Variants in PPP1R1C observed in about 807,000 individuals in gnomAD.
PPP1R1C encodes protein phosphatase 1 regulatory inhibitor subunit 1C, also known as protein phosphatase 1 regulatory subunit 1C.
A neutral mutation model predicts 17.4 loss-of-function variants in PPP1R1C; 15 were observed. The observed-to-expected ratio is 0.86, with a 90% CI of 0.58 to 1.33. PPP1R1C has a LOEUF of 1.33. PPP1R1C is among the 40% of genes most tolerant of loss of function. The pLI is 0.00. For missense variants in PPP1R1C, 143 were observed against 130.0 expected, an observed-to-expected ratio of 1.10 and a Z score of -0.48; for synonymous variants, 35 against 43.1, an observed-to-expected ratio of 0.81 and a Z score of 0.73.
intron 4 of PPP1R1C, among the ~76,000 whole-genome samples, chr2:182,069,800 A>C (rs1688090520): frequency 1.3e-5 from 2 of 152,210 alleles, no homozygotes; most frequent in African/African-American, 2.4e-5. Flanking sequence ...TTTCTATTTG[A>C]GAAGCAGGGA....
At chr2:182,037,457 G>A (rs910188994) in intron 2 of PPP1R1C, among the ~76,000 whole-genome samples, 1 of 151,950 alleles carries the variant, frequency 6.6e-6, no homozygotes, top group Admixed American at 6.6e-5. Flanking sequence ...TGTGGTGGTG[G>A]GTGCCTGTAG....
chr2:182,033,849 C>T (rs948005595), intron 2 of PPP1R1C, among the ~76,000 whole-genome samples: 3 of 152,156 alleles, frequency 2.0e-5, no homozygotes, highest in African/African-American at 4.8e-5. Context: ...CTCATCCTTA[C>T]GCTAAATCGC....
intron 4 of PPP1R1C, among the ~76,000 whole-genome samples, chr2:182,110,645 A>C (rs1042863846): frequency 6.6e-6 from 1 of 152,188 alleles, no homozygotes; most frequent in African/African-American, 2.4e-5. Context: ...AAACACACAC[A>C]ACATTTGCTT....
chr2:182,045,850 AT>A (rs1484954738), intron 2 of PPP1R1C, among the ~76,000 whole-genome samples: 2 of 152,158 alleles, frequency 1.3e-5, no homozygotes, highest in African/African-American at 4.8e-5. Flanking sequence ...TGATTTGGCA[AT>A]TTGATCAAAG....
At chr2:182,086,153 T>G (rs1688622428) in intron 4 of PPP1R1C, among the ~76,000 whole-genome samples, 1 of 151,950 alleles carries the variant, frequency 6.6e-6, no homozygotes. Context: ...GAAAGATAAA[T>G]GACAGACTAG....
downstream of PPP1R1C, among the ~76,000 whole-genome samples, chr2:182,120,087 G>A (rs1559101157): frequency 6.6e-6 from 1 of 152,088 alleles, no homozygotes; most frequent in Non-Finnish European, 1.5e-5. Context: ...TTTTGTATAA[G>A]GTGTAAGGAA....
rs1420047825 is a variant in PPP1R1C, at chr2:181,976,277, T to C, written n.157+1013T>C. Among the ~76,000 whole-genome samples, 1 of 152,092 alleles carries C rather than the reference T, an allele frequency of 6.6e-6. No homozygotes were observed. Among genetic ancestry groups the C allele is most frequent in the African/African-American group, 2.4e-5 (1 of 41,426 alleles). Reference sequence around the variant, plus strand: ...ATGTGTATATATGGATACAAATCTATAATGAAATTATACTAGATACAGCTA... The same window carrying C: ...ATGTGTATATATGGATACAAATCTACAATGAAATTATACTAGATACAGCTA... On this transcript the variant is annotated intron_variant and non_coding_transcript_variant, in intron 2 of 5. Coordinates refer to the PPP1R1C transcript ENST00000464264. The surrounding 1 kb of genome is among the most constrained non-coding windows in gnomAD (Gnocchi z 4.8).
rs1400770459 is a variant in PPP1R1C, at chr2:181,962,658, C to T, written n.111+8024C>T. On this transcript the variant is annotated intron_variant and non_coding_transcript_variant, in intron 1 of 5. Transcript: ENST00000464264. This position sits in a 1 kb window ranked among gnomAD's most constrained non-coding sequence, Gnocchi z 6.0. ...AGACTTTATTTGAATAATCTGGGTC[C>T]CACCCTCTAGCCTCAATAAGCAGCT... Among the ~76,000 whole-genome samples, 1 of 152,172 alleles carries T rather than the reference C, an allele frequency of 6.6e-6. No individual in the cohort carries two copies. The highest frequency in any genetic ancestry group is 2.4e-5 in the African/African-American group (1 of 41,426).
chr2:182,113,510 C>T (rs1297714221), intron 4 of PPP1R1C, among the ~76,000 whole-genome samples: 1 of 152,114 alleles, frequency 6.6e-6, no homozygotes, highest in Non-Finnish European at 1.5e-5. Context: ...CTGACCAACA[C>T]GTGGTTAGAG....
intron 2 of PPP1R1C, among the ~76,000 whole-genome samples, chr2:182,018,081 T>C (rs1302817890): frequency 6.6e-6 from 1 of 152,184 alleles, no homozygotes; most frequent in African/African-American, 2.4e-5. Context: ...ATATTTGTAA[T>C]CCTGTCTTCT....
rs1297880850 is a variant in PPP1R1C, at chr2:181,992,634, C to T, written c.142+4735C>T. Among the ~76,000 whole-genome samples, 6 of 134,410 alleles carry T rather than the reference C, an allele frequency of 4.5e-5. 1 individual carries two copies. In the East Asian group the frequency reaches 6.0e-4, roughly 14 times the overall value. 88.2% of individuals were successfully genotyped at this position (134,410 alleles called of 152,430 possible). A position where few individuals can be genotyped will look rare whatever the true frequency, so the allele number is the denominator to read the frequency against. The stretch of plus-strand genomic sequence containing the variant: ...TTGGGTAAGTACCCAGGAGTTTTGA[C>T]GTCATTTAAAAGCTCACTGTACATC... On this transcript the variant is annotated intron_variant, in intron 2 of 4. Transcript: ENST00000682840.
At chr2:182,119,157 T>A (rs563818961), downstream of PPP1R1C, among the ~76,000 whole-genome samples, 7 of 152,094 alleles carry the variant, frequency 4.6e-5, no homozygotes, top group South Asian at 1.5e-3. Flanking sequence ...ATGTGGTGTT[T>A]GGTTTTTTTG....
At chr2:182,113,822 G>A (rs942777567) in intron 4 of PPP1R1C, among the ~76,000 whole-genome samples, 1 of 152,122 alleles carries the variant, frequency 6.6e-6, no homozygotes, top group Non-Finnish European at 1.5e-5. Flanking sequence ...ATCTACAAAT[G>A]TAATGAGCCT....
upstream of PPP1R1C, among the ~76,000 whole-genome samples, chr2:181,985,209 A>G (rs1000982018): frequency 6.6e-6 from 1 of 152,246 alleles, no homozygotes; most frequent in African/African-American, 2.4e-5. The surrounding 1 kb of genome is among the most constrained non-coding windows in gnomAD (Gnocchi z 4.1). Flanking sequence ...ATTTAGCAGC[A>G]CAATACTTTC....
intron 4 of PPP1R1C, among the ~76,000 whole-genome samples, chr2:182,076,455 C>T (rs1318099964): frequency 1.3e-5 from 2 of 151,340 alleles, no homozygotes; most frequent in Admixed American, 6.6e-5. Context: ...AAAATGCAAG[C>T]AAGAAGTACT....
intron 5 of PPP1R1C, among the ~76,000 whole-genome samples, chr2:182,124,327 GTTTTTTT>G: frequency 1.2e-5 from 1 of 83,008 alleles, no homozygotes; most frequent in Non-Finnish European, 2.2e-5. Context: ...TTTTTTTTTT[GTTTTTTT>G]TTTTGTTTTT....
Position 181,957,384 on chromosome 2 carries a change from C to T in PPP1R1C, n.111+2750C>T, listed in dbSNP as rs1436654759. Among the ~76,000 whole-genome samples the T allele has an allele frequency of 2.0e-5, 3 of 152,022 alleles. No individual in the cohort carries two copies. The highest frequency in any genetic ancestry group is 7.2e-5 in the African/African-American group (3 of 41,418). ...AAAGAGAAGAAAAAAATTGTGCTAA[C>T]TCTTATCAAGCAAGCCCTTGAAATT... On this transcript the variant is annotated intron_variant and non_coding_transcript_variant, in intron 1 of 5. Transcript: ENST00000464264. The surrounding 1 kb of genome is among the most constrained non-coding windows in gnomAD (Gnocchi z 4.2).
Position 181,961,253 on chromosome 2 carries a change from C to G in PPP1R1C, n.111+6619C>G. The G allele has an allele frequency of 2.5e-6, 2 of 795,976 alleles. No homozygotes were observed. Among genetic ancestry groups the G allele is most frequent in the Non-Finnish European group, 4.4e-6 (2 of 458,980 alleles). 49.3% of individuals were successfully genotyped at this position (795,976 alleles called of 1,614,324 possible). On this transcript the variant is annotated intron_variant and non_coding_transcript_variant, in intron 1 of 5. Coordinates refer to the PPP1R1C transcript ENST00000464264. This position sits in a 1 kb window ranked among gnomAD's most constrained non-coding sequence, Gnocchi z 5.8. ...ATTGGTCTCAGACACCACTTTGCGG[C>G]GGGTGGTGGTCTTTGGATGGTTTGC...
At chr2:182,126,926 G>C (rs961975819) in intron 5 of PPP1R1C, among the ~76,000 whole-genome samples, 7 of 151,864 alleles carry the variant, frequency 4.6e-5, no homozygotes, top group African/African-American at 1.7e-4. Context: ...AAATGATATT[G>C]GATTCATCTT....
Sources: gnomAD v4.1 joint callset for allele counts (sites outside exome capture counted in the v4.1 genomes callset) on GRCh38, gnomAD v4.1.1 for gene constraint, Gnocchi (gnomAD v3.1) non-coding constraint, MANE v1.5 for transcripts, NCBI Gene and HGNC (gene_info 2026-07-23, HGNC 2026-07-21) for gene names.